IGF2R: variants seen among roughly 807,000 people sequenced by gnomAD.
The protein encoded by IGF2R is cation-independent mannose-6-phosphate receptor.
A neutral mutation model predicts 270.6 loss-of-function variants in IGF2R; 91 were observed. The ratio of observed to expected loss-of-function variants is 0.34; its 90% confidence interval spans 0.28 to 0.40. The LOEUF (loss-of-function observed/expected upper bound fraction) is 0.40, where lower values mean the gene tolerates loss of function less well. IGF2R is among the 10% of genes least tolerant of loss of function. The pLI is 1.00. For missense variants in IGF2R, 2,805 were observed against 3,188.3 expected, an observed-to-expected ratio of 0.88 and a Z score of 2.90; for synonymous variants, 1,316 against 1,258.9, an observed-to-expected ratio of 1.05 and a Z score of -0.96.
chr6:159,981,929 C>T (rs1275416486), intron 1 of IGF2R, among the ~76,000 whole-genome samples: 1 of 152,220 alleles, frequency 6.6e-6, no homozygotes, highest in Non-Finnish European at 1.5e-5. Context: ...CAAAGGCTGA[C>T]GTTTGGCATT....
chr6:159,973,212 C>A (rs777094265), intron 1 of IGF2R, among the ~76,000 whole-genome samples: 3 of 152,144 alleles, frequency 2.0e-5, no homozygotes, highest in Non-Finnish European at 4.4e-5. Flanking sequence ...CTAAAGTGAT[C>A]TCAGCTTGTC....
chr6:160,072,608 A>G (rs762923655), intron 32 of IGF2R, among the ~76,000 whole-genome samples, 157 bp from the exon 33 acceptor site: 2 of 152,220 alleles, frequency 1.3e-5, no homozygotes, highest in Admixed American at 6.5e-5. Flanking sequence ...GTCTCATGAT[A>G]CAGCCTGGCT....
chr6:160,086,674 A>T (rs1779103584), intron 41 of IGF2R, among the ~76,000 whole-genome samples: 1 of 152,154 alleles, frequency 6.6e-6, no homozygotes, highest in Admixed American at 6.5e-5. Flanking sequence ...TTTTTCCAAA[A>T]TTTTACACAG....
chr6:160,079,952 G>A (rs1456950230), intron 38 of IGF2R, among the ~76,000 whole-genome samples, 165 bp downstream of exon 38: 4 of 152,196 alleles, frequency 2.6e-5, no homozygotes, highest in Non-Finnish European at 4.4e-5. Context: ...TGTGAATGCT[G>A]GTGTGTGAAT....
rs546051866 is a variant in IGF2R, at chr6:160,044,599, T to C, written c.1707T>C (p.Gly569=). The change falls in exon 13 of 48, where the codon GGT becomes GGC. Residue 569 remains glycine (G), a synonymous_variant. Coordinates refer to ENST00000356956, the MANE Select transcript of IGF2R (RefSeq NM_000876.4). ...KGNIQLSYSD[G]DDCGHGKKIK... ...ACATTCAACTCTCTTATTCAGATGG[T>C]GATGATTGTGGTCATGGCAAGAAAA... is the stretch of plus-strand genomic sequence containing the variant. 4.3e-6 allele frequency: 7 copies of C among 1,610,658 alleles called. No homozygotes were observed. The East Asian group carries it at 6.7e-5, about 15-fold the overall frequency.
intron 4 of IGF2R, among the ~76,000 whole-genome samples, chr6:160,018,549 C>T (rs767631677): frequency 1.3e-5 from 2 of 151,986 alleles, no homozygotes; most frequent in East Asian, 3.8e-4. Context: ...GAACGTTTTT[C>T]GAGATGGACT....
chr6:160,059,252 G>C (rs1217888864), intron 22 of IGF2R, among the ~76,000 whole-genome samples, 154 bp downstream of exon 22: 1 of 152,168 alleles, frequency 6.6e-6, no homozygotes, highest in African/African-American at 2.4e-5. Context: ...TGGTCTTCCT[G>C]CGTTTGACCT....
rs148608443 is a variant in IGF2R, at chr6:160,032,959, G to A, written c.1063G>A (p.Asp355Asn). 2,621 of 1,598,186 alleles carry A rather than the reference G, an allele frequency of 1.6e-3. 6 individuals are homozygous for A. The highest frequency in any genetic ancestry group is 2.3e-3 in the Middle Eastern group (14 of 6,038). ...GTTTTTAGGTTCATCCTATATTTCA[G>A]ATGGAAAAGAATATTTGTTTTATTT... ...AQSGGSSYIS[D>N]GKEYLFYLNV... Residue 355 changes from aspartate (D) to asparagine (N), a missense_variant, in exon 9 of 48, where the codon GAT becomes AAT. By Grantham distance (23) the Asp-to-Asn change is conservative. Coordinates refer to ENST00000356956, the MANE Select transcript of IGF2R (RefSeq NM_000876.4).
chr6:159,977,968 C>T lies in IGF2R; in HGVS notation c.149+8573C>T, dbSNP rs1246804057. Among the ~76,000 whole-genome samples, 2 of 152,116 alleles carry T rather than the reference C, an allele frequency of 1.3e-5. 1 individual carries two copies. Among genetic ancestry groups the T allele is most frequent in the Non-Finnish European group, 2.9e-5 (2 of 68,036 alleles). On this transcript the variant is annotated intron_variant, in intron 1 of 47. Transcript: ENST00000356956. ...TGGGAATTGGAAGACATTTGAATGC[C>T]TGGCACGTCCTCGGTGTTCATTGGT...
Position 160,064,425 on chromosome 6 carries a change from A to G in IGF2R, c.3911A>G (p.Tyr1304Cys). The stretch of plus-strand genomic sequence containing the variant: ...GGTCTCCTGACTCAGAAGCTAACTT[A>G]TGAAAATGGCTTGTTAAAAATGAAC... ...VAGLLTQKLTYENGLLKMNFT... is the reference protein window; with the variant it reads ...VAGLLTQKLTCENGLLKMNFT... Residue 1304 changes from tyrosine (Y) to cysteine (C), a missense_variant, in exon 28 of 48, where the codon TAT becomes TGT. By Grantham distance (194) the Tyr-to-Cys change is radical (BLOSUM62 -2). Around this residue, in one of 2 missense-constraint regions of IGF2R, gnomAD observed 1,851 missense variants for 2,207.2 expected, o/e 0.84. Coordinates refer to ENST00000356956, the MANE Select transcript of IGF2R (RefSeq NM_000876.4). The G allele has an allele frequency of 6.2e-7, 1 of 1,614,174 alleles. No individual in the cohort carries two copies. Among genetic ancestry groups the G allele is most frequent in the South Asian group, 1.1e-5 (1 of 91,080 alleles).
At chr6:160,066,587 AC>A (rs1158958125) in intron 29 of IGF2R, among the ~76,000 whole-genome samples, 1 of 150,804 alleles carries the variant, frequency 6.6e-6, no homozygotes, top group Non-Finnish European at 1.5e-5. Flanking sequence ...GAAATTACCC[AC>A]CCTCACCTCT....
At position 160,050,770 on chromosome 6, in the gene IGF2R, GT is replaced by G; in HGVS notation, c.2694+120del. 1.1e-6 allele frequency: 1 copy of G among 870,924 alleles called. No individual in the cohort carries two copies. Among genetic ancestry groups the G allele is most frequent in the South Asian group, 1.8e-5 (1 of 55,464 alleles). 53.9% of individuals were successfully genotyped at this position (870,924 alleles called of 1,614,324 possible). The stretch of plus-strand genomic sequence containing the variant: ...GGGTGGCGGAGCTAGGCCAGTCTTA[GT>G]TCTGCTTAAGGTCAGTGTGCGGTAT... On this transcript the variant is annotated intron_variant, in intron 19 of 47. Coordinates refer to ENST00000356956, the MANE Select transcript of IGF2R (RefSeq NM_000876.4). The surrounding 1 kb of genome is among the most constrained non-coding windows in gnomAD (Gnocchi z 4.0).
intron 1 of IGF2R, among the ~76,000 whole-genome samples, chr6:159,988,513 A>AG (rs1783925578): frequency 1.0e-5 from 1 of 95,720 alleles, no homozygotes; most frequent in Non-Finnish European, 2.0e-5. Context: ...ACTCCGTCTC[A>AG]AAAAAAAAAA....
In IGF2R at chr6:160,106,820, C is replaced by G. The variant is rs1472998792; in HGVS notation, c.*1736C>G. ...AACCTCGGGGTGTGGTCCTGTTCAT[C>G]AAAACAATGAACATGGAGTTTAGAG... On this transcript the variant is annotated 3_prime_UTR_variant, in exon 48 of 48. Transcript: ENST00000356956. 6.6e-6 allele frequency: 1 copy of G among 152,146 alleles called. No individual in the cohort carries two copies. Among genetic ancestry groups the G allele is most frequent in the Non-Finnish European group, 1.5e-5 (1 of 68,036 alleles). 9.4% of individuals were successfully genotyped at this position (152,146 alleles called of 1,614,324 possible). A position where few individuals can be genotyped will look rare whatever the true frequency, so the allele number is the denominator to read the frequency against.
At chr6:159,993,410 G>A (rs1273424738) in intron 2 of IGF2R, among the ~76,000 whole-genome samples, 1 of 152,126 alleles carries the variant, frequency 6.6e-6, no homozygotes, top group Non-Finnish European at 1.5e-5. Context: ...GTGAGAGATA[G>A]GGTTCTAGTT....
intron 29 of IGF2R, among the ~76,000 whole-genome samples, chr6:160,067,372 C>T (rs1393607695): frequency 2.6e-5 from 4 of 152,174 alleles, no homozygotes; most frequent in African/African-American, 4.8e-5. Context: ...CTCTGCCCCC[C>T]GAACTTCATA....
chr6:160,053,768 A>G (rs1778248472), intron 19 of IGF2R, among the ~76,000 whole-genome samples: 1 of 152,082 alleles, frequency 6.6e-6, no homozygotes. Flanking sequence ...AGTGGGTGTA[A>G]TCATTGCTCA....
rs1294101002 is a variant in IGF2R at position 159,975,696 on chromosome 6, ATATAT to A, written c.149+6302_149+6306del. On this transcript the variant is annotated intron_variant, in intron 1 of 47. Coordinates refer to ENST00000356956, the MANE Select transcript of IGF2R (RefSeq NM_000876.4). ...GTATTATATATATTTATATATATAT[ATATAT>A]AAAGTATATGTATTGTGTATATATT... Among the ~76,000 whole-genome samples, 13 of 147,006 alleles carry A rather than the reference ATATAT, an allele frequency of 8.8e-5. No individual in the cohort carries two copies. In the East Asian group the frequency reaches 1.9e-3, roughly 22 times the overall value.
Position 160,024,639 on chromosome 6 carries a change from G to A in IGF2R, c.581G>A (p.Gly194Asp). The change falls in exon 5 of 48, where the codon GGT becomes GAT. Residue 194 changes from glycine (G) to aspartate (D), a missense_variant. By Grantham distance (94) the Gly-to-Asp change is moderately conservative. Around this residue, in one of 2 missense-constraint regions of IGF2R, gnomAD observed 954 missense variants for 981.1 expected, o/e 0.97. Transcript: ENST00000356956. ...HDLNPLIKLSGAYLVDDSDPD... is the reference protein window; with the variant it reads ...HDLNPLIKLSDAYLVDDSDPD... Reference sequence around the variant, plus strand: ...CTCAATCCTCTGATCAAGCTTAGTGGTGCCTACTTGGTGGATGACTCCGAT... The same window carrying A: ...CTCAATCCTCTGATCAAGCTTAGTGATGCCTACTTGGTGGATGACTCCGAT... 1 of 1,614,014 alleles carries A rather than the reference G, an allele frequency of 6.2e-7. No homozygotes were observed. Among genetic ancestry groups the A allele is most frequent in the Non-Finnish European group, 8.5e-7 (1 of 1,179,914 alleles).
Sources: gnomAD v4.1 joint callset for allele counts (sites outside exome capture counted in the v4.1 genomes callset) on GRCh38, gnomAD v4.1.1 for gene constraint, gnomAD v4.1.1 regional missense constraint, Gnocchi (gnomAD v3.1) non-coding constraint, MANE v1.5 for transcripts, NCBI Gene and HGNC (gene_info 2026-07-23, HGNC 2026-07-21) for gene names.